Variants in ADAMTS17 observed in about 807,000 individuals in gnomAD.
ADAMTS17 encodes the protein ADAM metallopeptidase with thrombospondin type 1 motif 17.
ADAMTS17 carries 113 observed loss-of-function variants against 141.5 expected under a neutral mutation model. The observed-to-expected ratio is 0.80, with a 90% CI of 0.69 to 0.93. The LOEUF is 0.93. Among genes scored for constraint, ADAMTS17 ranks in the 40% least tolerant of loss-of-function variants. The pLI is 0.00. For synonymous variants in ADAMTS17, 768 were observed against 630.6 expected (o/e 1.22, Z -3.27); for missense variants, 1,659 against 1,517.9 (o/e 1.09, Z -1.54).
rs193114032 is a variant in ADAMTS17, at chr15:100,019,591, C to T, written c.2592-22002G>A. On this transcript the variant is annotated intron_variant, in intron 18 of 21. Coordinates refer to ENST00000268070, the MANE Select transcript of ADAMTS17 (RefSeq NM_139057.4). ...GCTACCCGGTGTATGACCACACCTGCGCTCCAGCCCACTGAGGCCAAATGT... is the reference window on the plus strand; with the variant it reads ...GCTACCCGGTGTATGACCACACCTGTGCTCCAGCCCACTGAGGCCAAATGT... Among the ~76,000 whole-genome samples, 229 of 152,288 alleles carry T rather than the reference C, an allele frequency of 1.5e-3. 2 individuals carry two copies. The highest frequency in any genetic ancestry group is 4.8e-3 in the African/African-American group (200 of 41,552).
chr15:100,047,239 C>T (rs6598293), intron 18 of ADAMTS17, among the ~76,000 whole-genome samples: 15,872 of 106,066 alleles, frequency 0.15, 1,431 homozygotes, highest in East Asian at 0.28. Flanking sequence ...AAGACGTTAT[C>T]AATGACAATG....
At chr15:100,060,785 CA>C (rs2033056714) in intron 15 of ADAMTS17, among the ~76,000 whole-genome samples, 1 of 152,226 alleles carries the variant, frequency 6.6e-6, no homozygotes, top group Non-Finnish European at 1.5e-5. Flanking sequence ...GAAAGCCAGC[CA>C]GCGTGGGCTG....
At chr15:100,273,752 T>C (rs1374522923) in intron 4 of ADAMTS17, among the ~76,000 whole-genome samples, 1 of 152,176 alleles carries the variant, frequency 6.6e-6, no homozygotes, top group East Asian at 1.9e-4. Context: ...TTGTTCTTCT[T>C]CTAGTTCCTT....
intron 14 of ADAMTS17, among the ~76,000 whole-genome samples, chr15:100,105,456 T>TA (rs911784001): frequency 3.0e-4 from 45 of 152,134 alleles, no homozygotes; most frequent in African/African-American, 9.7e-4. Flanking sequence ...GAGTGACATC[T>TA]GGGGATGGAG....
At chr15:100,019,948 C>G (rs993294763) in intron 18 of ADAMTS17, among the ~76,000 whole-genome samples, 1 of 152,002 alleles carries the variant, frequency 6.6e-6, no homozygotes, top group Non-Finnish European at 1.5e-5. Context: ...TCCTACTACT[C>G]ACACATGCTA....
chr15:100,197,094 C>T (rs2041148842), intron 8 of ADAMTS17, among the ~76,000 whole-genome samples: 1 of 152,222 alleles, frequency 6.6e-6, no homozygotes, highest in Non-Finnish European at 1.5e-5. Context: ...CAGACCTCCG[C>T]TGCAGGGAGG....
intron 7 of ADAMTS17, among the ~76,000 whole-genome samples, chr15:100,219,640 A>G (rs950375650): frequency 6.6e-6 from 1 of 152,178 alleles, no homozygotes; most frequent in Non-Finnish European, 1.5e-5. Context: ...TTCACCTTCT[A>G]GTTGGCTCAC....
chr15:100,257,956 T>C (rs982913375), intron 6 of ADAMTS17, among the ~76,000 whole-genome samples: 2 of 152,206 alleles, frequency 1.3e-5, no homozygotes, highest in Non-Finnish European at 2.9e-5. Context: ...ATTCTTTATC[T>C]CTACGAATCT....
chr15:99,981,874 G>A (rs1004524085), intron 20 of ADAMTS17, among the ~76,000 whole-genome samples: 2 of 152,290 alleles, frequency 1.3e-5, no homozygotes, highest in Middle Eastern at 3.4e-3. Context: ...TTTCATTTGA[G>A]CTGAGGTGCT....
chr15:100,105,573 C>A (rs1441153885), intron 14 of ADAMTS17, among the ~76,000 whole-genome samples: 1 of 152,106 alleles, frequency 6.6e-6, no homozygotes, highest in South Asian at 2.1e-4. Flanking sequence ...CCGTTCATAC[C>A]AACGTGATAG....
intron 12 of ADAMTS17, among the ~76,000 whole-genome samples, chr15:100,121,617 G>A (rs2037455614): frequency 6.6e-6 from 1 of 152,102 alleles, no homozygotes; most frequent in Admixed American, 6.5e-5. Context: ...AAATCAAGGT[G>A]AAAATTAACA....
intron 15 of ADAMTS17, among the ~76,000 whole-genome samples, chr15:100,078,979 A>C (rs768948204): frequency 2.6e-4 from 40 of 152,248 alleles, no homozygotes; most frequent in Non-Finnish European, 5.3e-4. Flanking sequence ...ATGATATATT[A>C]GTCATTAGGG....
chr15:100,248,216 T>C (rs1365979134), intron 7 of ADAMTS17, among the ~76,000 whole-genome samples: 1 of 152,088 alleles, frequency 6.6e-6, no homozygotes, highest in Non-Finnish European at 1.5e-5. Flanking sequence ...CTTCCATTAA[T>C]TAAAAAATAG....
chr15:100,296,580 G>GGGT (rs1555504073), intron 3 of ADAMTS17, among the ~76,000 whole-genome samples: 2 of 107,918 alleles, frequency 1.9e-5, no homozygotes, highest in Non-Finnish European at 3.9e-5. Context: ...GGTGAGGGGG[G>GGGT]GTGTGTGTGT....
At chr15:100,320,843 A>G (rs1043575880) in intron 3 of ADAMTS17, among the ~76,000 whole-genome samples, 1 of 152,202 alleles carries the variant, frequency 6.6e-6, no homozygotes, top group Non-Finnish European at 1.5e-5. Context: ...AAAAGAAGAA[A>G]AAAAGAGTAA....
At chr15:100,122,681 T>C (rs1362551864) in intron 12 of ADAMTS17, among the ~76,000 whole-genome samples, 1 of 152,240 alleles carries the variant, frequency 6.6e-6, no homozygotes, top group African/African-American at 2.4e-5. Context: ...TTTTATACTA[T>C]ATTCTTATAG....
intron 15 of ADAMTS17, chr15:100,063,517 T>A: frequency 2.1e-6 from 1 of 467,456 alleles, no homozygotes. Context: ...GTTAGTCAAA[T>A]ATGACAGCAC....
chr15:100,152,500 G>A, intron 10 of ADAMTS17, 112 bp downstream of exon 10: 1 of 1,401,050 alleles, frequency 7.1e-7, no homozygotes, highest in Non-Finnish European at 1.0e-6. Context: ...GCTTGTGTGT[G>A]TATGTGCCTG....
chr15:100,304,584 A>G (rs1008700505), intron 3 of ADAMTS17, among the ~76,000 whole-genome samples: 1 of 152,138 alleles, frequency 6.6e-6, no homozygotes, highest in African/African-American at 2.4e-5. Flanking sequence ...TTGGATTTCC[A>G]TTCTCTGTAA....
Sources: allele counts gnomAD v4.1 joint callset (sites outside exome capture counted in the v4.1 genomes callset), GRCh38; gene constraint gnomAD v4.1.1; transcripts MANE v1.5; gene names NCBI Gene and HGNC (gene_info 2026-07-23, HGNC 2026-07-21).